HERC1: variants seen among roughly 807,000 people sequenced by gnomAD.
HERC1 encodes the protein HECT and RLD domain containing E3 ubiquitin protein ligase family member 1.
Under a neutral mutation model 554.3 loss-of-function variants are expected in HERC1, and 160 were observed. The observed-to-expected ratio is 0.29, with a 90% CI of 0.25 to 0.33. HERC1 has a LOEUF of 0.33. Among genes scored for constraint, HERC1 ranks in the 10% least tolerant of loss-of-function variants. HERC1 has a pLI of 1.00. For missense variants in HERC1, 4,919 were observed against 5,918.5 expected (o/e 0.83, Z 5.54); for synonymous variants, 2,175 against 2,131.7 (o/e 1.02, Z -0.56).
In HERC1 at chr15:63,608,929, T is replaced by C; in HGVS notation, c.*152A>G. 1 of 562,114 alleles carries C rather than the reference T, an allele frequency of 1.8e-6. No homozygotes were observed. The highest frequency in any genetic ancestry group is 2.8e-6 in the Non-Finnish European group (1 of 355,394). 34.8% of individuals were successfully genotyped at this position (562,114 alleles called of 1,614,324 possible). A position where few individuals can be genotyped will look rare whatever the true frequency, so the allele number is the denominator to read the frequency against. On this transcript the variant is annotated 3_prime_UTR_variant, in exon 78 of 78. Transcript: ENST00000443617. ...GAAAAATAAAAACATCTAATTTCTT[T>C]GTTACATTTAGAGTAACTAAATGTG... is the stretch of plus-strand genomic sequence containing the variant.
At chr15:63,739,566 C>T (rs903524503) in intron 12 of HERC1, among the ~76,000 whole-genome samples, 2 of 151,546 alleles carry the variant, frequency 1.3e-5, no homozygotes, top group African/African-American at 2.4e-5. Context: ...AGGCCGAGCG[C>T]GGTGGCTCAT....
chr15:63,757,504 C>T (rs548909646), intron 4 of HERC1, among the ~76,000 whole-genome samples: 5 of 152,026 alleles, frequency 3.3e-5, no homozygotes, highest in South Asian at 2.1e-4. Flanking sequence ...TGATCTCAAA[C>T]GATCCACCCG....
At position 63,680,077 on chromosome 15, in the gene HERC1, CT is replaced by C; in HGVS notation, c.6548del (p.Lys2183ArgfsTer2). 3 of 1,594,952 alleles carry C rather than the reference CT, an allele frequency of 1.9e-6. No homozygotes were observed. Among genetic ancestry groups the C allele is most frequent in the South Asian group, 1.1e-5 (1 of 89,440 alleles). On this transcript the variant is annotated frameshift_variant and splice_region_variant, in exon 36 of 78. Coordinates refer to ENST00000443617, the MANE Select transcript of HERC1 (RefSeq NM_003922.4). LOFTEE classifies it high-confidence loss of function. The surrounding 1 kb of genome is among the most constrained non-coding windows in gnomAD (Gnocchi z 5.8). ...VMFYSSNPGE[K>X]VKICDMQMRG... ...AAATAAAGGTTTGAGACTTCATTACCTTTTCCCCTGGATTGCTACTATAGAA... is the reference window on the plus strand; with the variant it reads ...AAATAAAGGTTTGAGACTTCATTACCTTTCCCCTGGATTGCTACTATAGAA...
At chr15:63,668,434 A>G (rs1447305953) in intron 40 of HERC1, among the ~76,000 whole-genome samples, 1 of 152,212 alleles carries the variant, frequency 6.6e-6, no homozygotes, top group Non-Finnish European at 1.5e-5. Context: ...TTGAGGCTAC[A>G]GTGACCCAAG....
rs1474167626 is a variant in HERC1 at position 63,716,436 on chromosome 15, T to C, written c.4016A>G (p.Gln1339Arg). 1.9e-6 allele frequency: 3 copies of C among 1,613,646 alleles called. No homozygotes were observed. Among genetic ancestry groups the C allele is most frequent in the East Asian group, 2.2e-5 (1 of 44,874 alleles). Residue 1339 changes from glutamine to arginine, a missense_variant, in exon 22 of 78, where the codon CAG (glutamine) becomes CGG (arginine). Physicochemically the swap from Gln to Arg is conservative, Grantham distance 43 (BLOSUM62 1). Transcript: ENST00000443617. ...ENQDSADVDPQEHSFTRTIDE... is the reference protein window; with the variant it reads ...ENQDSADVDPREHSFTRTIDE... Reference sequence around the variant, plus strand: ...AATAGTTCGAGTAAATGAATGCTCCTGAGGATCAACATCTGCAGAGTCCTG... The same window carrying C: ...AATAGTTCGAGTAAATGAATGCTCCCGAGGATCAACATCTGCAGAGTCCTG...
intron 2 of HERC1, among the ~76,000 whole-genome samples, chr15:63,764,566 C>T (rs866785087): frequency 6.6e-6 from 1 of 152,108 alleles, no homozygotes; most frequent in South Asian, 2.1e-4. Context: ...GGTATATTGC[C>T]CACCTGCCTT....
At chr15:63,779,190 C>T (rs1358205469) in intron 1 of HERC1, among the ~76,000 whole-genome samples, 2 of 151,916 alleles carry the variant, frequency 1.3e-5, no homozygotes, top group Non-Finnish European at 2.9e-5. Context: ...CAAACAAAAA[C>T]AGAGCTGGTT....
chr15:63,628,953 C>CT (rs35700814), intron 69 of HERC1, 138 bp from the exon 70 acceptor site: 13,922 of 527,992 alleles, frequency 0.026, 33 homozygotes, highest in East Asian at 0.074. Context: ...AAAACACATT[C>CT]TTTTTTTTTT....
At chr15:63,658,468 C>T (rs750957858) in intron 48 of HERC1, 76 bp downstream of exon 48, 6 of 1,350,560 alleles carry the variant, frequency 4.4e-6, no homozygotes, top group Non-Finnish European at 6.1e-6. Flanking sequence ...ATCTCACCCT[C>T]CCAAACACCA....
chr15:63,616,380 T>C (rs777604812), intron 75 of HERC1, 50 bp downstream of exon 75: 2 of 1,574,996 alleles, frequency 1.3e-6, no homozygotes, highest in Admixed American at 1.8e-5. Flanking sequence ...TTCTAGTCTG[T>C]GCATATAGGA....
chr15:63,665,866 G>A, intron 42 of HERC1, 53 bp downstream of exon 42: 1 of 1,303,464 alleles, frequency 7.7e-7, no homozygotes, highest in Non-Finnish European at 1.1e-6. Context: ...ATAATAAATG[G>A]GGCTTTGAAA....
chr15:63,810,929 G>A (rs2077286192), intron 1 of HERC1, among the ~76,000 whole-genome samples: 1 of 152,048 alleles, frequency 6.6e-6, no homozygotes. Context: ...TGTTTAACTT[G>A]AATATGTGAT....
chr15:63,804,901 T>G (rs1297906708), intron 1 of HERC1, among the ~76,000 whole-genome samples: 1 of 152,156 alleles, frequency 6.6e-6, no homozygotes, highest in Non-Finnish European at 1.5e-5. Context: ...TATTACAAAT[T>G]CAATAAATGG....
At chr15:63,688,132 A>C (rs1257463034) in intron 33 of HERC1, among the ~76,000 whole-genome samples, 2 of 152,226 alleles carry the variant, frequency 1.3e-5, no homozygotes, top group Non-Finnish European at 2.9e-5. Context: ...TTAGAAGGTT[A>C]CTGCATAGTT....
chr15:63,804,903 A>G (rs2077093899), intron 1 of HERC1, among the ~76,000 whole-genome samples: 1 of 152,238 alleles, frequency 6.6e-6, no homozygotes, highest in Admixed American at 6.5e-5. Flanking sequence ...TTACAAATTC[A>G]ATAAATGGCT....
At chr15:63,651,735 G>T (rs1189487386) in intron 52 of HERC1, among the ~76,000 whole-genome samples, 1 of 152,102 alleles carries the variant, frequency 6.6e-6, no homozygotes, top group Non-Finnish European at 1.5e-5. Flanking sequence ...GCTACAGCTG[G>T]CTATAAAACT....
Position 63,655,973 on chromosome 15 carries a change from A to T in HERC1, c.9871-18T>A. The T allele has an allele frequency of 6.2e-7, 1 of 1,602,532 alleles. No homozygotes were observed. The highest frequency in any genetic ancestry group is 8.5e-7 in the Non-Finnish European group (1 of 1,172,480). ...ATCAAGTTCTGAAGAAGCAATTGGA[A>T]AAACAGACTTAATTTTTACATGTAA... On this transcript the variant is annotated intron_variant, in intron 49 of 77. Coordinates refer to ENST00000443617, the MANE Select transcript of HERC1 (RefSeq NM_003922.4).
intron 1 of HERC1, among the ~76,000 whole-genome samples, chr15:63,824,462 A>G (rs1382527203): frequency 6.7e-6 from 1 of 149,820 alleles, no homozygotes; most frequent in Non-Finnish European, 1.5e-5. Context: ...TGAACCCGGG[A>G]GGCAGAGGTT....
At chr15:63,682,402 A>C (rs945004976) in intron 34 of HERC1, among the ~76,000 whole-genome samples, 5 of 152,210 alleles carry the variant, frequency 3.3e-5, no homozygotes, top group Non-Finnish European at 5.9e-5. Flanking sequence ...AGTGGGCTTT[A>C]GATGAGCCAG....
Sources: allele counts gnomAD v4.1 joint callset (sites outside exome capture counted in the v4.1 genomes callset), GRCh38; gene constraint gnomAD v4.1.1; non-coding constraint Gnocchi (gnomAD v3.1); transcripts MANE v1.5; gene names NCBI Gene and HGNC (gene_info 2026-07-23, HGNC 2026-07-21).